The following C7 variants were observed in gnomAD, a reference collection of about 807,000 sequenced individuals.
C7 encodes complement component C7.
In C7, 83 loss-of-function variants were observed where a neutral mutation model predicts 104.8. The observed-to-expected ratio is 0.79, with a 90% CI of 0.66 to 0.95. The LOEUF (loss-of-function observed/expected upper bound fraction) is 0.95, where lower values mean the gene tolerates loss of function less well. Among genes scored for constraint, C7 ranks in the 40% least tolerant of loss-of-function variants. The pLI, the probability that C7 is intolerant of heterozygous loss-of-function variation, is 0.00. For missense variants in C7, 1,070 were observed against 1,011.2 expected, an observed-to-expected ratio of 1.06 and a Z score of -0.79; for synonymous variants, 415 against 360.6, an observed-to-expected ratio of 1.15 and a Z score of -1.71.
Position 40,982,969 on chromosome 5 carries a change from G to C in C7, c.*1396G>C, listed in dbSNP as rs1001803810. ...TTCATTTGTATGATGTTTCATTTTA[G>C]AGAAGATTTTCATGATGAATGGTTA... On this transcript the variant is annotated 3_prime_UTR_variant, in exon 18 of 18. Transcript: ENST00000313164. 6.6e-6 allele frequency: 1 copy of C among 152,324 alleles called. No homozygotes were observed. Among genetic ancestry groups the C allele is most frequent in the African/African-American group, 2.4e-5 (1 of 41,448 alleles). The allele number at this position is 152,324 out of a possible 1,614,324, so 9.4% of individuals were successfully genotyped here.
chr5:40,930,961 T>A (rs1045286108), intron 2 of C7, 103 bp from the exon 3 acceptor site: 16 of 796,874 alleles, frequency 2.0e-5, no homozygotes, highest in Non-Finnish European at 3.2e-5. Flanking sequence ...GGAAAAAATA[T>A]TTGAGGCAAC....
intron 12 of C7, among the ~76,000 whole-genome samples, chr5:40,960,279 C>T (rs1740396590): frequency 6.6e-6 from 1 of 152,118 alleles, no homozygotes; most frequent in Non-Finnish European, 1.5e-5. Context: ...GTAATTTTTG[C>T]TGACTGGACT....
chr5:40,928,739 C>T (rs1482888625), intron 2 of C7, 104 bp downstream of exon 2: 2 of 602,176 alleles, frequency 3.3e-6, no homozygotes, highest in East Asian at 6.1e-5. Flanking sequence ...GTGTATCCCT[C>T]CAACATATTT....
chr5:40,937,581 A>G lies in C7; in HGVS notation c.458A>G (p.Asn153Ser), dbSNP rs940182364. 3.7e-6 allele frequency: 6 copies of G among 1,612,266 alleles called. No homozygotes were observed. The highest frequency in any genetic ancestry group is 5.1e-6 in the Non-Finnish European group (6 of 1,178,932). The change falls in exon 6 of 18, where the codon AAC (asparagine) becomes AGC (serine). Residue 153 changes from asparagine to serine, a missense_variant. Transcript: ENST00000313164. Reference sequence around the variant, plus strand: ...AATGAACTCACTGGCCAGTTTAGGAACAGAGTCATCAATACCAAAAGTTTT... The same window carrying G: ...AATGAACTCACTGGCCAGTTTAGGAGCAGAGTCATCAATACCAAAAGTTTT... ...GYNELTGQFR[N>S]RVINTKSFGG...
intron 1 of C7, among the ~76,000 whole-genome samples, chr5:40,914,972 A>T (rs1309807049): frequency 6.6e-6 from 1 of 152,186 alleles, no homozygotes; most frequent in Non-Finnish European, 1.5e-5. Context: ...TTGGACTGTC[A>T]GAGACACTGC....
intron 6 of C7, among the ~76,000 whole-genome samples, chr5:40,938,902 A>G (rs1739871229): frequency 6.6e-6 from 1 of 152,224 alleles, no homozygotes; most frequent in African/African-American, 2.4e-5. Flanking sequence ...ATGTTGAAGC[A>G]ATAGCGGTTG....
chr5:40,945,685 C>T (rs1740030941), intron 7 of C7, among the ~76,000 whole-genome samples: 1 of 151,568 alleles, frequency 6.6e-6, no homozygotes, highest in African/African-American at 2.4e-5. Flanking sequence ...GGCAACATAG[C>T]AAGACCCTGT....
intron 1 of C7, among the ~76,000 whole-genome samples, chr5:40,925,160 C>T (rs1739525716): frequency 6.6e-6 from 1 of 152,126 alleles, no homozygotes; most frequent in Admixed American, 6.6e-5. Context: ...AACTTTAAGT[C>T]ATTTCTTTGC....
chr5:40,952,691 G>C (rs1244182415), intron 9 of C7, among the ~76,000 whole-genome samples: 1 of 150,338 alleles, frequency 6.7e-6, no homozygotes, highest in Non-Finnish European at 1.5e-5. Flanking sequence ...TCCCCTTCCT[G>C]TGTCCAAGTG....
chr5:40,947,453 A>G (rs1740073764), intron 7 of C7, 149 bp from the exon 8 acceptor site: 2 of 801,838 alleles, frequency 2.5e-6, no homozygotes, highest in East Asian at 5.4e-5. Context: ...GTGGGCCCAT[A>G]AGAGTGCTCA....
At chr5:40,922,039 AAAACAAACAAAC>A (rs200654306) in intron 1 of C7, among the ~76,000 whole-genome samples, 7 of 137,672 alleles carry the variant, frequency 5.1e-5, no homozygotes, top group African/African-American at 1.5e-4. Flanking sequence ...CTCTGTCTCA[AAAACAAACAAAC>A]AAACAAACAA....
At chr5:40,936,261 A>G in intron 4 of C7, 77 bp from the exon 5 acceptor site, 7 of 1,395,530 alleles carry the variant, frequency 5.0e-6, no homozygotes, top group Non-Finnish European at 7.1e-6. Flanking sequence ...AGGTAGCAGG[A>G]AAACCCTTTT....
At position 40,937,709 on chromosome 5, in the gene C7, A is replaced by T; in HGVS notation, c.567+19A>T. ...ATTCCAGGTACTTACGACGTTATTGATTTCCAATCTGGAATTGTCAGAGAG... is the reference window on the plus strand; with the variant it reads ...ATTCCAGGTACTTACGACGTTATTGTTTTCCAATCTGGAATTGTCAGAGAG... On this transcript the variant is annotated intron_variant, in intron 6 of 17. Transcript: ENST00000313164. The T allele has an allele frequency of 6.5e-7, 1 of 1,537,362 alleles. No homozygotes were observed. The highest frequency in any genetic ancestry group is 8.8e-7 in the Non-Finnish European group (1 of 1,139,646).
At chr5:40,971,296 T>C (rs1740693231) in intron 14 of C7, among the ~76,000 whole-genome samples, 1 of 152,240 alleles carries the variant, frequency 6.6e-6, no homozygotes. Flanking sequence ...CGTGAGATGG[T>C]ATCTCATTGT....
At chr5:40,964,116 C>T (rs924766079) in intron 13 of C7, among the ~76,000 whole-genome samples, 1 of 140,800 alleles carries the variant, frequency 7.1e-6, no homozygotes, top group Non-Finnish European at 1.5e-5. Context: ...TATCTCGCCT[C>T]ACTGCAACCT....
At chr5:40,947,199 A>C (rs1201667157) in intron 7 of C7, among the ~76,000 whole-genome samples, 1 of 150,132 alleles carries the variant, frequency 6.7e-6, no homozygotes, top group African/African-American at 2.5e-5. Context: ...TCCTGGGTTC[A>C]AGCGATTCTT....
In C7 at chr5:40,981,551, C is replaced by T. The variant is rs1364167900; in HGVS notation, c.2510C>T (p.Pro837Leu). ...GQSISVTSIRPCAAETQ is the reference protein window; with the variant it reads ...GQSISVTSIRLCAAETQ ...AGCATCTCTGTCACCAGCATAAGGC[C>T]TTGTGCTGCGGAAACCCAGTAGGCT... Residue 837 changes from proline (P) to leucine (L), a missense_variant, in exon 18 of 18, where the codon CCT becomes CTT. Transcript: ENST00000313164. 2.5e-6 allele frequency: 4 copies of T among 1,611,542 alleles called. No homozygotes were observed. Among genetic ancestry groups the T allele is most frequent in the African/African-American group, 1.3e-5 (1 of 74,990 alleles).
At chr5:40,961,745 G>A (rs72749568) in intron 12 of C7, among the ~76,000 whole-genome samples, 22,039 of 152,118 alleles carry the variant, frequency 0.14, 2,059 homozygotes, top group Non-Finnish European at 0.22. Context: ...GAACCAAACG[G>A]CAAGAGGAAA....
intron 1 of C7, among the ~76,000 whole-genome samples, chr5:40,918,949 GACACACACACACACACACAC>G (rs138558983): frequency 7.2e-6 from 1 of 138,314 alleles, no homozygotes; most frequent in African/African-American, 2.8e-5. Flanking sequence ...GAATCTAACA[GACACACACACACACACACAC>G]ACACACACAC....
Sources: gnomAD v4.1 joint callset for allele counts (sites outside exome capture counted in the v4.1 genomes callset) on GRCh38, gnomAD v4.1.1 for gene constraint, MANE v1.5 for transcripts, NCBI Gene and HGNC (gene_info 2026-07-23, HGNC 2026-07-21) for gene names.